The following EIF4G1 variants were observed in gnomAD, a reference collection of about 807,000 sequenced individuals.
EIF4G1 encodes the protein eukaryotic translation initiation factor 4 gamma 1.
Under a neutral mutation model 187.8 loss-of-function variants are expected in EIF4G1, and 4 were observed. The observed-to-expected ratio is 0.02, with a 90% CI of 0.01 to 0.05. The LOEUF is 0.05. EIF4G1 is among the 10% of genes least tolerant of loss of function. The pLI, the probability that EIF4G1 is intolerant of heterozygous loss-of-function variation, is 1.00. For missense variants in EIF4G1, 1,647 were observed against 2,081.1 expected (o/e 0.79, Z 4.06); for synonymous variants, 844 against 781.4 (o/e 1.08, Z -1.34).
chr3:184,324,562 C>G (rs1250552369), intron 17 of EIF4G1, among the ~76,000 whole-genome samples: 1 of 152,130 alleles, frequency 6.6e-6, no homozygotes, highest in African/African-American at 2.4e-5. Context: ...TGAGTTCAAG[C>G]GATTCTCCTG....
chr3:184,331,389 T>C (rs1726067187), intron 29 of EIF4G1, 25 bp downstream of exon 29: 1 of 1,614,206 alleles, frequency 6.2e-7, no homozygotes. Context: ...TTGGGTTAAT[T>C]CTAGCATTTG....
At chr3:184,326,726 A>G in intron 22 of EIF4G1, 97 bp downstream of exon 22, 1 of 1,510,038 alleles carries the variant, frequency 6.6e-7, no homozygotes, top group Admixed American at 1.7e-5. Flanking sequence ...CAAGGTGGTT[A>G]GGCAATGCGG....
Position 184,320,942 on chromosome 3 carries a change from G to A in EIF4G1, c.646G>A (p.Glu216Lys). The A allele has an allele frequency of 6.2e-7, 1 of 1,614,216 alleles. No homozygotes were observed. Among genetic ancestry groups the A allele is most frequent in the Non-Finnish European group, 8.5e-7 (1 of 1,180,034 alleles). ...TGTCCTGCAGACGGGAGGCGGTCTGGAGCCTCAAGCTAATGGGGAGACGCC... is the reference window on the plus strand; with the variant it reads ...TGTCCTGCAGACGGGAGGCGGTCTGAAGCCTCAAGCTAATGGGGAGACGCC... ...PTPPQTGGGL[E>K]PQANGETPQV... Residue 216 changes from glutamate to lysine, a missense_variant, in exon 9 of 33, where the codon GAG (glutamate) becomes AAG (lysine). By Grantham distance (56) the Glu-to-Lys change is moderately conservative (BLOSUM62 1). Coordinates refer to ENST00000346169, the MANE Select transcript of EIF4G1 (RefSeq NM_198241.3).
In EIF4G1 at chr3:184,323,227, C is replaced by G; in HGVS notation, c.2074C>G (p.Leu692Val). Residue 692 changes from leucine to valine, a missense_variant, in exon 14 of 33, where the codon CTG becomes GTG. Coordinates refer to ENST00000346169, the MANE Select transcript of EIF4G1 (RefSeq NM_198241.3). This position sits in a 1 kb window ranked among gnomAD's most constrained non-coding sequence, Gnocchi z 6.9. ...CCCAAGGGGTGGGCCAGGTGGGGAG[C>G]TGCCCCGTGGGCCGGTGAGTGGGGC... ...GPPRGGPGGE[L>V]PRGPAGLGPR... 6.2e-7 allele frequency: 1 copy of G among 1,614,130 alleles called. No individual in the cohort carries two copies. Among genetic ancestry groups the G allele is most frequent in the Non-Finnish European group, 8.5e-7 (1 of 1,179,992 alleles).
intron 6 of EIF4G1, chr3:184,319,197 T>C (rs1376395762): frequency 1.3e-5 from 2 of 154,916 alleles, no homozygotes; most frequent in African/African-American, 4.8e-5. Context: ...TTTGCCCCTT[T>C]GTAAAGGGCT....
At position 184,323,074 on chromosome 3, in the gene EIF4G1, T is replaced by C. The variant is rs202195149; in HGVS notation, c.1930-9T>C. On this transcript the variant is annotated splice_polypyrimidine_tract_variant and intron_variant, in intron 13 of 32. Coordinates refer to ENST00000346169, the MANE Select transcript of EIF4G1 (RefSeq NM_198241.3). The surrounding 1 kb of genome is among the most constrained non-coding windows in gnomAD (Gnocchi z 6.9). ...CTGCTTCTGAGACCTTTTCCTGTCCTCTTTGCAGGCCAATAAAACACCACT... is the reference window on the plus strand; with the variant it reads ...CTGCTTCTGAGACCTTTTCCTGTCCCCTTTGCAGGCCAATAAAACACCACT... The C allele has an allele frequency of 1.9e-5, 31 of 1,614,072 alleles. No homozygotes were observed. The highest frequency in any genetic ancestry group is 1.3e-4 in the Admixed American group (8 of 60,012).
chr3:184,324,294 G>A lies in EIF4G1; in HGVS notation c.2566G>A (p.Asp856Asn). Residue 856 changes from aspartate (D) to asparagine (N), a missense_variant, in exon 17 of 33, where the codon GAT (aspartate) becomes AAT (asparagine). Asp to Asn is a conservative substitution (Grantham distance 23). This residue lies in a region of EIF4G1 where 40 missense variants were observed against 42.2 expected (regional missense o/e 0.95). Transcript: ENST00000346169. ...RCQKEFEKDK[D>N]DDEVFEKKQK... ...TCAGAAGGAGTTTGAGAAAGACAAA[G>A]ATGATGATGAGGTTTTTGAGAAGAA... 1 of 1,614,222 alleles carries A rather than the reference G, an allele frequency of 6.2e-7. No individual in the cohort carries two copies. The highest frequency in any genetic ancestry group is 8.5e-7 in the Non-Finnish European group (1 of 1,180,040).
chr3:184,322,349 T>C lies in EIF4G1; in HGVS notation c.1520-13T>C, dbSNP rs1159226352. ...GCAAAGATCCATGCTTTTATTTATT[T>C]ATTTTTAATTAGTGGCAGTATCTGT... On this transcript the variant is annotated splice_polypyrimidine_tract_variant and intron_variant, in intron 10 of 32. Transcript: ENST00000346169. 8 of 1,610,876 alleles carry C rather than the reference T, an allele frequency of 5.0e-6. No homozygotes were observed. The highest frequency in any genetic ancestry group is 6.8e-6 in the Non-Finnish European group (8 of 1,177,754).
At chr3:184,321,051 G>T in intron 9 of EIF4G1, 58 bp downstream of exon 9, 1 of 1,590,662 alleles carries the variant, frequency 6.3e-7, no homozygotes, top group Admixed American at 1.8e-5. Context: ...ACAGTTAAAT[G>T]CTGAGGTGGT....
rs112449275 is a variant in EIF4G1 at position 184,331,812 on chromosome 3, A to G, written c.4477+3A>G. On this transcript the variant is annotated splice_donor_region_variant and intron_variant, in intron 31 of 32. Transcript: ENST00000346169. Reference sequence around the variant, plus strand: ...TGTCTGCTATTCTGCAATTATTTGTAAGAGGAACCAGGGAGATGGAGGGGC... The same window carrying G: ...TGTCTGCTATTCTGCAATTATTTGTGAGAGGAACCAGGGAGATGGAGGGGC... 6.2e-7 allele frequency: 1 copy of G among 1,614,164 alleles called. No homozygotes were observed. The highest frequency in any genetic ancestry group is 8.5e-7 in the Non-Finnish European group (1 of 1,180,038).
chr3:184,317,491 T>G lies in EIF4G1; in HGVS notation c.318T>G (p.Pro106=). The G allele has an allele frequency of 6.2e-7, 1 of 1,613,964 alleles. No individual in the cohort carries two copies. The highest frequency in any genetic ancestry group is 8.5e-7 in the Non-Finnish European group (1 of 1,179,962). ...CCTCCCAGGGGGCCTACTACATCCC[T>G]GGACAGGTGAGGCTGGGGGCTTGGA... ...YPASQGAYYI[P]GQGRSTYVVP... is the part of the protein sequence containing the mutation. Residue 106 remains proline, a synonymous_variant, in exon 5 of 33, where the codon CCT becomes CCG. Transcript: ENST00000346169.
In EIF4G1 at chr3:184,323,650, G is replaced by T; in HGVS notation, c.2274+57G>T. The T allele has an allele frequency of 6.2e-7, 1 of 1,612,450 alleles. No homozygotes were observed. Among genetic ancestry groups the T allele is most frequent in the Admixed American group, 1.7e-5 (1 of 59,862 alleles). On this transcript the variant is annotated intron_variant, in intron 15 of 32. Coordinates refer to ENST00000346169, the MANE Select transcript of EIF4G1 (RefSeq NM_198241.3). This position sits in a 1 kb window ranked among gnomAD's most constrained non-coding sequence, Gnocchi z 6.9. ...CATTTCTTCTCCAGGTCTGCCATCT[G>T]TGCCCTCTTTGCTTCTTTTTGTCCT... is the stretch of plus-strand genomic sequence containing the variant.
intron 26 of EIF4G1, chr3:184,328,421 T>A: frequency 1.4e-6 from 1 of 736,954 alleles, no homozygotes; most frequent in Non-Finnish European, 2.3e-6. Flanking sequence ...TATGGGTTCC[T>A]TGACCATCCT....
chr3:184,317,868 A>C, intron 6 of EIF4G1, 52 bp downstream of exon 6: 1 of 1,350,418 alleles, frequency 7.4e-7, no homozygotes, highest in Non-Finnish European at 1.1e-6. Context: ...GAGCATCTAA[A>C]CTCATCTGCT....
Position 184,328,744 on chromosome 3 carries a change from G to T in EIF4G1, c.4067G>T (p.Gly1356Val). Residue 1356 changes from glycine to valine, a missense_variant, in exon 27 of 33, where the codon GGG (glycine) becomes GTG (valine). Physicochemically the swap from Gly to Val is moderately radical, Grantham distance 109. Transcript: ENST00000346169. ...CTGCAGGAAGGTGGGGTGCCCATGG[G>T]GGAGCTGTTCAGGTAAGTCCCCCTG... ...PILQEGGVPM[G>V]ELFREITKPL... is the part of the protein sequence containing the mutation. The T allele has an allele frequency of 6.2e-7, 1 of 1,614,214 alleles. No individual in the cohort carries two copies. Among genetic ancestry groups the T allele is most frequent in the Non-Finnish European group, 8.5e-7 (1 of 1,180,036 alleles).
Position 184,323,035 on chromosome 3 carries a change from T to C in EIF4G1, c.1930-48T>C, listed in dbSNP as rs1252482473. 9 of 1,614,152 alleles carry C rather than the reference T, an allele frequency of 5.6e-6. No homozygotes were observed. The highest frequency in any genetic ancestry group is 7.6e-6 in the Non-Finnish European group (9 of 1,180,024). On this transcript the variant is annotated intron_variant, in intron 13 of 32. Transcript: ENST00000346169. This position sits in a 1 kb window ranked among gnomAD's most constrained non-coding sequence, Gnocchi z 6.9. ...GGAGCCTGAGGTCCTGAAAGAGTAG[T>C]CAACCGCTCTAGCCTGCTTCTGAGA...
chr3:184,321,163 G>A (rs747743948), intron 9 of EIF4G1, 119 bp from the exon 10 acceptor site: 182 of 1,504,772 alleles, frequency 1.2e-4, no homozygotes, highest in Non-Finnish European at 1.6e-4. Context: ...GTATAGCTTA[G>A]GTGGGGAGAA....
chr3:184,323,898 T>C lies in EIF4G1; in HGVS notation c.2393T>C (p.Ile798Thr). The stretch of plus-strand genomic sequence containing the variant: ...ACCGAGGAACGCCTCAAAGGGGTCA[T>C]TGACCTCATTTTTGAGAAGGCCATT... ...IDTEERLKGV[I>T]DLIFEKAISE... is the part of the protein sequence containing the mutation. The change falls in exon 16 of 33, where the codon ATT (isoleucine) becomes ACT (threonine). Residue 798 changes from isoleucine to threonine, a missense_variant. Physicochemically the swap from Ile to Thr is moderately conservative, Grantham distance 89. This residue lies in a region of EIF4G1 where 36 missense variants were observed against 87.6 expected (regional missense o/e 0.41). Coordinates refer to ENST00000346169, the MANE Select transcript of EIF4G1 (RefSeq NM_198241.3). The surrounding 1 kb of genome is among the most constrained non-coding windows in gnomAD (Gnocchi z 6.9). 6.2e-7 allele frequency: 1 copy of C among 1,614,234 alleles called. No homozygotes were observed. The highest frequency in any genetic ancestry group is 8.5e-7 in the Non-Finnish European group (1 of 1,180,046).
In EIF4G1 at chr3:184,321,482, T is replaced by G. The variant is rs1431694695; in HGVS notation, c.898T>G (p.Ser300Ala). ...MTTIQMSVEE[S>A]TPISRETGEP... ...AACTATACAAATGTCTGTAGAAGAATCAACCCCCATCTCCCGTGAAACTGG... is the reference window on the plus strand; with the variant it reads ...AACTATACAAATGTCTGTAGAAGAAGCAACCCCCATCTCCCGTGAAACTGG... The change falls in exon 10 of 33, where the codon TCA (serine) becomes GCA (alanine). Residue 300 changes from serine to alanine, a missense_variant. Transcript: ENST00000346169. The G allele has an allele frequency of 6.2e-7, 1 of 1,614,144 alleles. No individual in the cohort carries two copies. The highest frequency in any genetic ancestry group is 1.1e-5 in the South Asian group (1 of 91,080).
Sources: gnomAD v4.1 joint callset for allele counts (sites outside exome capture counted in the v4.1 genomes callset) on GRCh38, gnomAD v4.1.1 for gene constraint, gnomAD v4.1.1 regional missense constraint, Gnocchi (gnomAD v3.1) non-coding constraint, MANE v1.5 for transcripts, NCBI Gene and HGNC (gene_info 2026-07-23, HGNC 2026-07-21) for gene names.